The following ARSB variants were observed in gnomAD, a reference collection of about 807,000 sequenced individuals.
ARSB encodes arylsulfatase B, also known as N-acetylgalactosamine-4-sulfatase.
Under a neutral mutation model 50.9 loss-of-function variants are expected in ARSB, and 41 were observed. The ratio of observed to expected loss-of-function variants is 0.81; its 90% CI spans 0.63 to 1.04. The LOEUF is 1.04. Among genes scored for constraint, ARSB ranks in the 50% least tolerant of loss-of-function variants. The pLI, the probability that ARSB is intolerant of heterozygous loss-of-function variation, is 0.00. For missense variants in ARSB, 672 were observed against 693.3 expected, an observed-to-expected ratio of 0.97 and a Z score of 0.35; for synonymous variants, 269 against 284.8, an observed-to-expected ratio of 0.94 and a Z score of 0.56.
chr5:78,826,032 C>T (rs1348858673), intron 6 of ARSB, among the ~76,000 whole-genome samples: 1 of 151,492 alleles, frequency 6.6e-6, no homozygotes, highest in East Asian at 1.9e-4. Context: ...AAAGTTAACC[C>T]CATGTCTTTC....
At chr5:78,945,746 A>AC (rs561414387) in intron 4 of ARSB, among the ~76,000 whole-genome samples, 5 of 151,344 alleles carry the variant, frequency 3.3e-5, no homozygotes, top group Non-Finnish European at 7.4e-5. Context: ...AGCAATGCAG[A>AC]CCCCCCTCCA....
chr5:78,882,257 G>T (rs568095924), intron 5 of ARSB, among the ~76,000 whole-genome samples: 1 of 152,330 alleles, frequency 6.6e-6, no homozygotes, highest in South Asian at 2.1e-4. Flanking sequence ...AGGGGTTCTG[G>T]TTTCTATGAC....
At chr5:78,929,921 C>G (rs1164320458) in intron 4 of ARSB, among the ~76,000 whole-genome samples, 1 of 152,048 alleles carries the variant, frequency 6.6e-6, no homozygotes, top group African/African-American at 2.4e-5. Flanking sequence ...TGACTAATTT[C>G]TGTTACCAAA....
At chr5:78,843,691 T>C (rs1296617799) in intron 5 of ARSB, among the ~76,000 whole-genome samples, 1 of 152,198 alleles carries the variant, frequency 6.6e-6, no homozygotes, top group African/African-American at 2.4e-5. Flanking sequence ...ACTGTACCCA[T>C]TAGCAGTCAT....
At chr5:78,834,339 T>A (rs1744835425) in intron 6 of ARSB, among the ~76,000 whole-genome samples, 1 of 151,876 alleles carries the variant, frequency 6.6e-6, no homozygotes, top group Admixed American at 6.6e-5. Context: ...TACATTCACG[T>A]TGTTATGCTG....
intron 4 of ARSB, among the ~76,000 whole-genome samples, chr5:78,911,447 G>A (rs539740): frequency 1.3e-5 from 2 of 151,536 alleles, no homozygotes; most frequent in Non-Finnish European, 2.9e-5. Flanking sequence ...GGTGGTGCAC[G>A]CCTGTAATTC....
intron 5 of ARSB, among the ~76,000 whole-genome samples, chr5:78,863,088 ATT>A (rs1746530310): frequency 6.6e-6 from 1 of 152,250 alleles, no homozygotes; most frequent in African/African-American, 2.4e-5. Flanking sequence ...AATGGCGATC[ATT>A]AAAAAGTCAG....
chr5:78,778,839 T>C lies in ARSB; in HGVS notation c.*1558A>G, dbSNP rs144259967. 3.9e-5 allele frequency: 6 copies of C among 152,188 alleles called. No homozygotes were observed. The highest frequency in any genetic ancestry group is 1.9e-4 in the East Asian group (1 of 5,178). The allele number at this position is 152,188 out of a possible 1,614,324, so 9.4% of individuals were successfully genotyped here. A position where few individuals can be genotyped will look rare whatever the true frequency, so the allele number is the denominator to read the frequency against. On this transcript the variant is annotated 3_prime_UTR_variant, in exon 8 of 8. Transcript: ENST00000264914. The stretch of plus-strand genomic sequence containing the variant: ...GGAGTTTAAGACCAGCTGGGCAACA[T>C]AGGGAACCTTGTCTTTTCAAAAAAT...
intron 4 of ARSB, among the ~76,000 whole-genome samples, chr5:78,909,183 C>G (rs1246223142): frequency 6.6e-6 from 1 of 152,158 alleles, no homozygotes; most frequent in Non-Finnish European, 1.5e-5. Context: ...ACCATGTGCC[C>G]TTATCCTCTT....
At chr5:78,898,033 TGAG>T (rs1346586491) in intron 4 of ARSB, among the ~76,000 whole-genome samples, 2 of 152,064 alleles carry the variant, frequency 1.3e-5, no homozygotes, top group African/African-American at 4.8e-5. Flanking sequence ...TTTGGGAGGC[TGAG>T]GTGGATGGAT....
intron 6 of ARSB, among the ~76,000 whole-genome samples, chr5:78,797,158 G>A (rs1202342269): frequency 1.3e-5 from 2 of 152,188 alleles, no homozygotes; most frequent in Admixed American, 6.5e-5. Flanking sequence ...GATTACAGGC[G>A]TGAGCCACCG....
At chr5:78,850,337 T>G (rs1435819038) in intron 5 of ARSB, among the ~76,000 whole-genome samples, 1 of 152,236 alleles carries the variant, frequency 6.6e-6, no homozygotes, top group Non-Finnish European at 1.5e-5. Flanking sequence ...TTGTCTTTGG[T>G]TCTGGTTATA....
In ARSB at chr5:78,779,064, C is replaced by A; in HGVS notation, c.*1333G>T. ...AAAATAAAAATTAAAAAATGAGTGC[C>A]TTCAGGCAGTGTTCCAAGCATTGGT... On this transcript the variant is annotated 3_prime_UTR_variant, in exon 8 of 8. Transcript: ENST00000264914. The A allele has an allele frequency of 6.6e-6, 1 of 152,058 alleles. No individual in the cohort carries two copies. Among genetic ancestry groups the A allele is most frequent in the South Asian group, 2.1e-4 (1 of 4,812 alleles). The allele number at this position is 152,058 out of a possible 1,614,324, so 9.4% of individuals were successfully genotyped here.
At chr5:78,905,978 T>C (rs1260154173) in intron 4 of ARSB, among the ~76,000 whole-genome samples, 2 of 130,890 alleles carry the variant, frequency 1.5e-5, no homozygotes, top group African/African-American at 5.9e-5. Context: ...CGGTCAGAAA[T>C]GTGGGTCTTC....
chr5:78,849,109 C>T (rs573946700), intron 5 of ARSB, among the ~76,000 whole-genome samples: 60 of 152,236 alleles, frequency 3.9e-4, no homozygotes, highest in African/African-American at 1.3e-3. Flanking sequence ...GTTGCCATTG[C>T]TTTTGGTGTT....
At chr5:78,814,198 T>G (rs1743911749) in intron 6 of ARSB, among the ~76,000 whole-genome samples, 1 of 151,160 alleles carries the variant, frequency 6.6e-6, no homozygotes, top group South Asian at 2.1e-4. Flanking sequence ...CAAAAAGACA[T>G]GCTGTTAATC....
intron 4 of ARSB, among the ~76,000 whole-genome samples, chr5:78,889,104 A>C (rs907195114): frequency 6.6e-6 from 1 of 152,236 alleles, no homozygotes; most frequent in Non-Finnish European, 1.5e-5. Context: ...GAGTTAGGAC[A>C]TTAGTTGGTT....
At position 78,834,624 on chromosome 5, in the gene ARSB, T is replaced by TATATAC. The variant is rs978185799; in HGVS notation, c.1213+4731_1213+4732insGTATAT. ...ATATATGTGTATATATATATATATA[T>TATATAC]ATATATATATATATATATATATGCC... is the stretch of plus-strand genomic sequence containing the variant. On this transcript the variant is annotated intron_variant, in intron 6 of 7. Transcript: ENST00000264914. Among the ~76,000 whole-genome samples, 31 of 127,944 alleles carry TATATAC rather than the reference T, an allele frequency of 2.4e-4. 1 individual carries two copies. In the East Asian group the frequency reaches 5.2e-3, roughly 22 times the overall value. The allele number at this position is 127,944 out of a possible 152,430, so 83.9% of individuals were successfully genotyped here. A position where few individuals can be genotyped will look rare whatever the true frequency, so the allele number is the denominator to read the frequency against.
chr5:78,894,545 T>TAAA (rs1748478321), intron 4 of ARSB, among the ~76,000 whole-genome samples: 1 of 152,108 alleles, frequency 6.6e-6, no homozygotes, highest in Admixed American at 6.5e-5. Context: ...ATCTCACTGA[T>TAAA]GTTTGGGTGT....
Sources: allele counts gnomAD v4.1 joint callset (sites outside exome capture counted in the v4.1 genomes callset), GRCh38; gene constraint gnomAD v4.1.1; transcripts MANE v1.5; gene names NCBI Gene and HGNC (gene_info 2026-07-23, HGNC 2026-07-21).